Variants in FAM168A observed in about 807,000 individuals in gnomAD.
FAM168A encodes the protein family with sequence similarity 168 member A, also known as protein FAM168A.
In FAM168A, 3 loss-of-function variants were observed where a neutral mutation model predicts 28.5. That is an observed-to-expected ratio of 0.11 (90% CI 0.05 to 0.27). The LOEUF is 0.27. FAM168A is among the 10% of genes least tolerant of loss of function. FAM168A has a pLI of 1.00. For missense variants in FAM168A, 222 were observed against 311.5 expected, an observed-to-expected ratio of 0.71 and a Z score of 2.16; for synonymous variants, 122 against 124.2, an observed-to-expected ratio of 0.98 and a Z score of 0.12.
Position 73,480,384 on chromosome 11 carries a change from T to G in FAM168A, c.-18-11892A>C, listed in dbSNP as rs529007071. On this transcript the variant is annotated intron_variant, in intron 1 of 7. Coordinates refer to ENST00000356467, the MANE Select transcript of FAM168A (RefSeq NM_015159.3). ...CAAATGCTTACAAATAATAGAAAAT[T>G]TCTCTCTCTCTCTTTTTTTTTTTAA... Among the ~76,000 whole-genome samples, 59 of 151,286 alleles carry G rather than the reference T, an allele frequency of 3.9e-4. 1 individual carries two copies. The highest frequency in any genetic ancestry group is 1.4e-3 in the African/African-American group (58 of 41,374).
intron 1 of FAM168A, among the ~76,000 whole-genome samples, chr11:73,522,705 G>T (rs932628326): frequency 6.7e-6 from 1 of 149,350 alleles, no homozygotes; most frequent in Non-Finnish European, 1.5e-5. Flanking sequence ...TGCGGAGGTT[G>T]TAACAGCCAA....
intron 1 of FAM168A, among the ~76,000 whole-genome samples, chr11:73,573,000 T>A (rs1396730884): frequency 6.6e-6 from 1 of 152,114 alleles, no homozygotes; most frequent in Non-Finnish European, 1.5e-5. Context: ...TAAGAGATAA[T>A]CTGAATAAGC....
chr11:73,417,190 C>G (rs1269864210), intron 4 of FAM168A, among the ~76,000 whole-genome samples: 1 of 152,158 alleles, frequency 6.6e-6, no homozygotes, highest in Non-Finnish European at 1.5e-5. Flanking sequence ...GAGGTGGTCC[C>G]TGTTGGGGTG....
At chr11:73,437,621 C>T (rs7111563) in intron 2 of FAM168A, among the ~76,000 whole-genome samples, 2 of 151,984 alleles carry the variant, frequency 1.3e-5, no homozygotes, top group Admixed American at 6.6e-5. Flanking sequence ...ATTCTTCACT[C>T]TGAGCTAAAA....
At chr11:73,556,530 G>C (rs1186863466) in intron 1 of FAM168A, among the ~76,000 whole-genome samples, 1 of 151,936 alleles carries the variant, frequency 6.6e-6, no homozygotes, top group Non-Finnish European at 1.5e-5. Flanking sequence ...GGGATTGTCA[G>C]GGGGGTAGGG....
intron 1 of FAM168A, among the ~76,000 whole-genome samples, chr11:73,587,819 G>A (rs1252282316): frequency 2.6e-5 from 4 of 151,892 alleles, no homozygotes; most frequent in Admixed American, 6.6e-5. Flanking sequence ...GCGCAATCTC[G>A]GATCACTGCA....
chr11:73,576,160 GT>G (rs1240625788), intron 1 of FAM168A, among the ~76,000 whole-genome samples: 1 of 152,144 alleles, frequency 6.6e-6, no homozygotes, highest in African/African-American at 2.4e-5. Flanking sequence ...CCTAAGCAGA[GT>G]TTCTTCTCCA....
At chr11:73,579,155 T>C (rs1269555009) in intron 1 of FAM168A, among the ~76,000 whole-genome samples, 1 of 152,128 alleles carries the variant, frequency 6.6e-6, no homozygotes, top group African/African-American at 2.4e-5. Flanking sequence ...ACCTAATTAC[T>C]TCCCAAAAAT....
intron 2 of FAM168A, among the ~76,000 whole-genome samples, chr11:73,459,536 C>T (rs1181826476): frequency 6.6e-6 from 1 of 151,498 alleles, no homozygotes; most frequent in Non-Finnish European, 1.5e-5. Context: ...TGAGGTCACA[C>T]TATGTTGCAC....
chr11:73,420,245 A>C (rs1283143193), intron 3 of FAM168A, among the ~76,000 whole-genome samples: 1 of 152,182 alleles, frequency 6.6e-6, no homozygotes. Flanking sequence ...CTTTCTACCT[A>C]CTACTAAAAC....
intron 1 of FAM168A, among the ~76,000 whole-genome samples, chr11:73,552,189 T>A (rs1397415317): frequency 6.6e-6 from 1 of 152,226 alleles, no homozygotes; most frequent in African/African-American, 2.4e-5. Flanking sequence ...CAATTCCAAC[T>A]CTACCTCTTA....
intron 4 of FAM168A, among the ~76,000 whole-genome samples, chr11:73,413,118 G>A (rs543865194): frequency 3.3e-5 from 5 of 152,222 alleles, no homozygotes; most frequent in African/African-American, 1.2e-4. Flanking sequence ...CTACCACATG[G>A]TCACAAATCT....
chr11:73,447,394 A>T (rs1047810161), intron 2 of FAM168A, among the ~76,000 whole-genome samples: 2 of 144,346 alleles, frequency 1.4e-5, no homozygotes, highest in South Asian at 2.2e-4. Context: ...ACCAAAAATT[A>T]AAAAAAAAAA....
chr11:73,563,109 A>G (rs1565299822), intron 1 of FAM168A, among the ~76,000 whole-genome samples: 1 of 152,232 alleles, frequency 6.6e-6, no homozygotes, highest in Non-Finnish European at 1.5e-5. Flanking sequence ...GACTCGAAAA[A>G]TAGCTTTTCA....
At chr11:73,422,150 C>G (rs1866804404) in intron 3 of FAM168A, among the ~76,000 whole-genome samples, 1 of 152,200 alleles carries the variant, frequency 6.6e-6, no homozygotes, top group Non-Finnish European at 1.5e-5. Flanking sequence ...GGATGCAACA[C>G]AGCCACACGC....
chr11:73,464,202 C>A lies in FAM168A; in HGVS notation c.70+4203G>T, dbSNP rs1166817326. ...GAATTGTTATTAAAAAAAAAAAAAA[C>A]ACATACGAAGGGAAAAATCCCACAA... is the stretch of plus-strand genomic sequence containing the variant. On this transcript the variant is annotated intron_variant, in intron 2 of 7. Transcript: ENST00000356467. 1.6e-4 allele frequency among the ~76,000 whole-genome samples: 22 copies of A among 135,358 alleles called. No homozygotes were observed. The East Asian group carries it at 3.4e-3, about 21-fold the overall frequency. 88.8% of individuals were successfully genotyped at this position (135,358 alleles called of 152,430 possible). A position where few individuals can be genotyped will look rare whatever the true frequency, so the allele number is the denominator to read the frequency against.
chr11:73,434,602 G>A (rs1462341759), intron 2 of FAM168A, among the ~76,000 whole-genome samples: 1 of 152,164 alleles, frequency 6.6e-6, no homozygotes, highest in African/African-American at 2.4e-5. Context: ...AACAAATGAG[G>A]GGGCAGTAGT....
intron 1 of FAM168A, among the ~76,000 whole-genome samples, chr11:73,481,350 T>C (rs1284172330): frequency 6.6e-6 from 1 of 152,250 alleles, no homozygotes; most frequent in African/African-American, 2.4e-5. Flanking sequence ...AGTTTTGTCT[T>C]GATCAGACTT....
At chr11:73,421,703 A>G (rs2134498295) in intron 3 of FAM168A, among the ~76,000 whole-genome samples, 2 of 152,356 alleles carry the variant, frequency 1.3e-5, no homozygotes, top group Middle Eastern at 6.8e-3. Flanking sequence ...ACTCTGCCAC[A>G]CATGTGGCTG....
Sources: gnomAD v4.1 joint callset for allele counts (sites outside exome capture counted in the v4.1 genomes callset) on GRCh38, gnomAD v4.1.1 for gene constraint, MANE v1.5 for transcripts, NCBI Gene and HGNC (gene_info 2026-07-23, HGNC 2026-07-21) for gene names.